Variants in TP53BP1 observed in about 807,000 individuals in gnomAD.
TP53BP1 encodes the protein tumor protein p53 binding protein 1, also known as TP53-binding protein 1.
In TP53BP1, 61 loss-of-function variants were observed where a neutral mutation model predicts 200.8. The ratio of observed to expected loss-of-function variants is 0.30; its 90% CI spans 0.25 to 0.38. The LOEUF is 0.38. TP53BP1 is among the 10% of genes least tolerant of loss of function. The pLI, the probability that TP53BP1 is intolerant of heterozygous loss-of-function variation, is 1.00. For synonymous variants in TP53BP1, 822 were observed against 844.3 expected (o/e 0.97, Z 0.46); for missense variants, 2,144 against 2,371.9 (o/e 0.90, Z 2.00).
chr15:43,476,655 AG>A (rs1351281569), intron 8 of TP53BP1, among the ~76,000 whole-genome samples: 3 of 152,268 alleles, frequency 2.0e-5, no homozygotes, highest in Non-Finnish European at 4.4e-5. Flanking sequence ...AGACCAACAA[AG>A]GTTCCTCGGT....
At position 43,446,598 on chromosome 15, in the gene TP53BP1, A is replaced by C; in HGVS notation, c.2837-8T>G. 1 of 1,610,108 alleles carries C rather than the reference A, an allele frequency of 6.2e-7. No homozygotes were observed. On this transcript the variant is annotated splice_polypyrimidine_tract_variant and splice_region_variant and intron_variant, in intron 13 of 27. Transcript: ENST00000382044. ...CTGGATAGTTGCTAATACCTGAAAG[A>C]AGTGAGGCAGGGAGGAAGAAAAAAA...
At chr15:43,472,536 G>A (rs150105423) in intron 10 of TP53BP1, among the ~76,000 whole-genome samples, 3 of 152,242 alleles carry the variant, frequency 2.0e-5, no homozygotes, top group Admixed American at 1.3e-4. Context: ...TCTCTAAGTC[G>A]TCAAAGGAGT....
intron 11 of TP53BP1, among the ~76,000 whole-genome samples, chr15:43,467,060 CT>C (rs71307480): frequency 1.7e-3 from 251 of 145,630 alleles, no homozygotes; most frequent in African/African-American, 2.4e-3. Flanking sequence ...TAAAGGTATT[CT>C]TTTTTTTTTT....
At chr15:43,481,424 C>T (rs1293970347) in intron 4 of TP53BP1, among the ~76,000 whole-genome samples, 1 of 149,032 alleles carries the variant, frequency 6.7e-6, no homozygotes, top group African/African-American at 2.5e-5. Context: ...AGAGTCCAAA[C>T]AAAATTCAGG....
chr15:43,473,616 C>G (rs1178286687), intron 10 of TP53BP1, among the ~76,000 whole-genome samples: 3 of 152,004 alleles, frequency 2.0e-5, no homozygotes. Context: ...AGGTTCTCCA[C>G]GTCCCACCAG....
rs2140157303 is a variant in TP53BP1 at position 43,492,057 on chromosome 15, T to C, written c.231A>G (p.Glu77=). The change falls in exon 3 of 28, where the codon GAA becomes GAG. Residue 77 remains glutamate, a synonymous_variant. Transcript: ENST00000382044. ...TGAACCCACTATTACCGTCTCCTCGTTCTTCTCCAGCTGTTTGTTCAGGAT... is the reference window on the plus strand; with the variant it reads ...TGAACCCACTATTACCGTCTCCTCGCTCTTCTCCAGCTGTTTGTTCAGGAT... ...VSNPEQTAGE[E]RGDGNSGFNE... The C allele has an allele frequency of 1.9e-6, 3 of 1,614,142 alleles. No individual in the cohort carries two copies. Among genetic ancestry groups the C allele is most frequent in the Non-Finnish European group, 2.5e-6 (3 of 1,179,976 alleles).
chr15:43,488,951 T>C (rs1037522890), intron 4 of TP53BP1, among the ~76,000 whole-genome samples: 19 of 152,232 alleles, frequency 1.2e-4, no homozygotes, highest in African/African-American at 4.6e-4. Flanking sequence ...CCAAATTCTT[T>C]CCAGCTTCAT....
At chr15:43,467,710 G>C (rs1421673548) in intron 11 of TP53BP1, among the ~76,000 whole-genome samples, 1 of 151,842 alleles carries the variant, frequency 6.6e-6, no homozygotes, top group Non-Finnish European at 1.5e-5. Flanking sequence ...ATAAACATCT[G>C]TAACCATTTT....
At chr15:43,457,348 TTC>T in intron 11 of TP53BP1, 130 bp from the exon 12 acceptor site, 1 of 905,522 alleles carries the variant, frequency 1.1e-6, no homozygotes, top group Non-Finnish European at 1.6e-6. Flanking sequence ...CATATAAAAT[TTC>T]TAAATCAAAT....
chr15:43,483,542 C>G (rs1338304120), intron 4 of TP53BP1, among the ~76,000 whole-genome samples: 1 of 152,102 alleles, frequency 6.6e-6, no homozygotes, highest in Non-Finnish European at 1.5e-5. Flanking sequence ...CAACTTTCTA[C>G]ACAACTAATA....
chr15:43,406,682 T>G lies in TP53BP1; in HGVS notation c.*701A>C. 2.2e-6 allele frequency: 1 copy of G among 447,132 alleles called. No individual in the cohort carries two copies. The highest frequency in any genetic ancestry group is 1.6e-5 in the South Asian group (1 of 62,494). 27.7% of individuals were successfully genotyped at this position (447,132 alleles called of 1,614,324 possible). On this transcript the variant is annotated 3_prime_UTR_variant, in exon 28 of 28. Coordinates refer to ENST00000382044, the MANE Select transcript of TP53BP1 (RefSeq NM_001141980.3). ...ATGCCAGAGGAAGGGAAGGAACTGC[T>G]TCCAGCTATTGTGACAATAATAATA...
intron 12 of TP53BP1, among the ~76,000 whole-genome samples, chr15:43,454,215 G>C (rs910792569): frequency 2.0e-5 from 3 of 151,836 alleles, no homozygotes; most frequent in African/African-American, 7.3e-5. Context: ...CAAAAAAAAG[G>C]GACTGTTCTA....
At chr15:43,486,921 C>T (rs150723027) in intron 4 of TP53BP1, among the ~76,000 whole-genome samples, 36 of 152,254 alleles carry the variant, frequency 2.4e-4, no homozygotes, top group African/African-American at 7.2e-4. Context: ...CCACTGCACC[C>T]GGCCTATAAG....
rs564079602 is a variant in TP53BP1, at chr15:43,479,357, C to G, written c.788+40G>C. ...GTAAAATGACATTAGTATAACCCTA[C>G]AGCAAAACTCGTAAATCCTTTTTAG... On this transcript the variant is annotated intron_variant, in intron 7 of 27. Transcript: ENST00000382044. The G allele has an allele frequency of 6.4e-6, 10 of 1,563,192 alleles. No individual in the cohort carries two copies. In the East Asian group the frequency reaches 1.8e-4, roughly 28 times the overall value.
intron 15 of TP53BP1, 93 bp from the exon 16 acceptor site, chr15:43,438,509 T>C: frequency 1.9e-6 from 2 of 1,050,136 alleles, no homozygotes; most frequent in South Asian, 1.7e-5. Context: ...AATAAAATGC[T>C]TTCTCTGCAT....
intron 7 of TP53BP1, among the ~76,000 whole-genome samples, 195 bp from the exon 8 acceptor site, chr15:43,477,954 TCTCA>T (rs2078908452): frequency 6.6e-6 from 1 of 152,220 alleles, no homozygotes; most frequent in Non-Finnish European, 1.5e-5. Context: ...TTAAAACCTG[TCTCA>T]CTCTCTCTCA....
chr15:43,432,357 G>A lies in TP53BP1; in HGVS notation c.3512C>T (p.Thr1171Ile), dbSNP rs904741357. ...TMECSLRVPE[T>I]VSAATQTIKN... is the part of the protein sequence containing the mutation. ...TATAGTCTGGGTTGCTGCTGAAACA[G>A]TTTCTGGGACCCTCAAGGAACACTC... Residue 1171 changes from threonine to isoleucine, a missense_variant, in exon 17 of 28, where the codon ACT becomes ATT. By Grantham distance (89) the Thr-to-Ile change is moderately conservative. Coordinates refer to ENST00000382044, the MANE Select transcript of TP53BP1 (RefSeq NM_001141980.3). The A allele has an allele frequency of 1.2e-5, 20 of 1,614,090 alleles. No homozygotes were observed. The highest frequency in any genetic ancestry group is 1.6e-5 in the Non-Finnish European group (19 of 1,180,036).
rs1307204893 is a variant in TP53BP1 at position 43,407,192 on chromosome 15, A to AAAAC, written c.*187_*190dup. 5.2e-6 allele frequency: 3 copies of AAAAC among 579,066 alleles called. No homozygotes were observed. Among genetic ancestry groups the AAAAC allele is most frequent in the African/African-American group, 1.9e-5 (1 of 53,570 alleles). 35.9% of individuals were successfully genotyped at this position (579,066 alleles called of 1,614,324 possible). On this transcript the variant is annotated 3_prime_UTR_variant, in exon 28 of 28. Transcript: ENST00000382044. ...CATTTGTTCTGAGATTAAGCTCAAAAAAACAGATGAAGAAATCCCAGTTAC... is the reference window on the plus strand; with the variant it reads ...CATTTGTTCTGAGATTAAGCTCAAAAAAACAAACAGATGAAGAAATCCCAGTTAC...
At chr15:43,469,513 T>A (rs573494715) in intron 11 of TP53BP1, among the ~76,000 whole-genome samples, 101 of 152,090 alleles carry the variant, frequency 6.6e-4, no homozygotes, top group Middle Eastern at 3.4e-3. Flanking sequence ...GGCAAAAAAA[T>A]TTATTAAAAA....
Sources: allele counts gnomAD v4.1 joint callset (sites outside exome capture counted in the v4.1 genomes callset), GRCh38; gene constraint gnomAD v4.1.1; transcripts MANE v1.5; gene names NCBI Gene and HGNC (gene_info 2026-07-23, HGNC 2026-07-21).